APBA2: variants seen among roughly 807,000 people sequenced by gnomAD.
APBA2 encodes the protein amyloid beta precursor protein binding family A member 2.
A neutral mutation model predicts 75.0 loss-of-function variants in APBA2; 30 were observed. The observed-to-expected ratio is 0.40, with a 90% CI of 0.30 to 0.54. APBA2 has a LOEUF of 0.54. APBA2 is among the 20% of genes least tolerant of loss of function. The pLI is 0.49. For synonymous variants in APBA2, 444 were observed against 409.6 expected, an observed-to-expected ratio of 1.08 and a Z score of -1.01; for missense variants, 801 against 1,016.1, an observed-to-expected ratio of 0.79 and a Z score of 2.88.
chr15:28,951,736 C>T (rs1407252759), intron 2 of APBA2, among the ~76,000 whole-genome samples: 1 of 152,152 alleles, frequency 6.6e-6, no homozygotes, highest in Non-Finnish European at 1.5e-5. Flanking sequence ...AGGCGTGTGC[C>T]ACCACACCCA....
chr15:28,891,603 GA>G (rs1165016785), intron 1 of APBA2, among the ~76,000 whole-genome samples: 2 of 152,194 alleles, frequency 1.3e-5, no homozygotes, highest in African/African-American at 4.8e-5. Flanking sequence ...GGTGGGACAT[GA>G]AGGTGTTTTC....
chr15:29,078,079 G>C (rs1174687735), intron 6 of APBA2, among the ~76,000 whole-genome samples: 1 of 146,708 alleles, frequency 6.8e-6, no homozygotes, highest in African/African-American at 2.5e-5. Flanking sequence ...GGTGGATCAT[G>C]AGGTCAGCAG....
intron 3 of APBA2, among the ~76,000 whole-genome samples, chr15:28,997,719 A>T (rs997356233): frequency 6.6e-6 from 1 of 152,180 alleles, no homozygotes; most frequent in African/African-American, 2.4e-5. Context: ...GGGTGGTTCT[A>T]TTTATGCCTG....
intron 4 of APBA2, among the ~76,000 whole-genome samples, chr15:29,067,637 C>T (rs1176901742): frequency 3.3e-5 from 5 of 152,158 alleles, no homozygotes; most frequent in Admixed American, 6.5e-5. Context: ...AAACATATAT[C>T]GTTAAATCCA....
rs2038204970 is a variant in APBA2 at position 28,991,110 on chromosome 15, CAGTT to C, written c.-94-4641_-94-4638del. On this transcript the variant is annotated intron_variant, in intron 2 of 14. Transcript: ENST00000683413. The surrounding 1 kb of genome is among the most constrained non-coding windows in gnomAD (Gnocchi z 4.7). Reference sequence around the variant, plus strand: ...TTACATTGCAGCCAGCCTAGGGACTCAGTTATTCAGAATTTAAACATTTTACTTG... The same window carrying C: ...TTACATTGCAGCCAGCCTAGGGACTCATTCAGAATTTAAACATTTTACTTG... Among the ~76,000 whole-genome samples, 1 of 152,144 alleles carries C rather than the reference CAGTT, an allele frequency of 6.6e-6. No individual in the cohort carries two copies. Among genetic ancestry groups the C allele is most frequent in the African/African-American group, 2.4e-5 (1 of 41,434 alleles).
chr15:29,030,285 C>T (rs557158473), intron 3 of APBA2, among the ~76,000 whole-genome samples: 1 of 152,008 alleles, frequency 6.6e-6, no homozygotes, highest in Admixed American at 6.6e-5. Flanking sequence ...TGGTGAAACC[C>T]CGTCTCTACT....
chr15:28,938,178 T>C (rs1325790851), intron 2 of APBA2, among the ~76,000 whole-genome samples: 1 of 152,178 alleles, frequency 6.6e-6, no homozygotes, highest in Non-Finnish European at 1.5e-5. Flanking sequence ...CAGACCACGG[T>C]GCCCTGGATC....
chr15:29,088,648 G>A (rs138928047), intron 6 of APBA2, among the ~76,000 whole-genome samples: 1 of 152,290 alleles, frequency 6.6e-6, no homozygotes, highest in East Asian at 1.9e-4. Flanking sequence ...GGCTACAGTA[G>A]CCTCTCAGCT....
chr15:28,988,324 C>T (rs1002186717), intron 2 of APBA2, among the ~76,000 whole-genome samples: 4 of 149,596 alleles, frequency 2.7e-5, no homozygotes, highest in East Asian at 2.0e-4. Context: ...AGTGCAGTGG[C>T]GTGATCTCGG....
intron 3 of APBA2, among the ~76,000 whole-genome samples, chr15:29,007,316 T>C (rs2039169965): frequency 6.6e-6 from 1 of 152,162 alleles, no homozygotes; most frequent in African/African-American, 2.4e-5. Flanking sequence ...TTCATGACAT[T>C]GGATTTGGTA....
chr15:29,060,232 G>A lies in APBA2; in HGVS notation c.951+5397G>A, dbSNP rs552313313. ...GGTGGAGGTGGCAGCAGTGTTGGCG[G>A]TGACTGCCAGCACCATGTTAGGGGT... On this transcript the variant is annotated intron_variant, in intron 4 of 14. Coordinates refer to ENST00000683413, the MANE Select transcript of APBA2 (RefSeq NM_001353788.2). Among the ~76,000 whole-genome samples the A allele has an allele frequency of 2.6e-5, 4 of 152,272 alleles. No individual in the cohort carries two copies. The South Asian group carries it at 8.3e-4, about 32-fold the overall frequency.
intron 2 of APBA2, among the ~76,000 whole-genome samples, chr15:28,974,085 T>G (rs1236189183): frequency 1.3e-5 from 2 of 152,178 alleles, no homozygotes; most frequent in Non-Finnish European, 2.9e-5. Flanking sequence ...CCCAACTCTA[T>G]GCTGTATAAA....
chr15:29,107,159 A>G (rs973686457), intron 12 of APBA2, among the ~76,000 whole-genome samples: 1 of 152,178 alleles, frequency 6.6e-6, no homozygotes, highest in Non-Finnish European at 1.5e-5. Flanking sequence ...TTGCCAGGTT[A>G]GCACTGAAAG....
At chr15:29,099,156 T>C (rs527240753) in intron 9 of APBA2, among the ~76,000 whole-genome samples, 1 of 152,226 alleles carries the variant, frequency 6.6e-6, no homozygotes, top group South Asian at 2.1e-4. Context: ...TTCACAGACT[T>C]TGACTTCATT....
At chr15:28,897,125 A>G (rs1475280466) in intron 1 of APBA2, among the ~76,000 whole-genome samples, 6 of 151,992 alleles carry the variant, frequency 3.9e-5, no homozygotes, top group Admixed American at 6.6e-5. Context: ...AAAATAATGC[A>G]CTATGTAATC....
chr15:28,936,017 A>G (rs899030018), intron 2 of APBA2, among the ~76,000 whole-genome samples: 19 of 152,146 alleles, frequency 1.2e-4, no homozygotes, highest in African/African-American at 4.1e-4. Flanking sequence ...TGTTTATTTG[A>G]TTGCTTGCAG....
intron 3 of APBA2, among the ~76,000 whole-genome samples, chr15:29,030,242 G>A (rs979567828): frequency 6.6e-6 from 1 of 152,124 alleles, no homozygotes; most frequent in East Asian, 1.9e-4. Flanking sequence ...GGCGGATCAC[G>A]AAATCGGGGG....
intron 11 of APBA2, among the ~76,000 whole-genome samples, chr15:29,106,072 G>A (rs2044387266): frequency 6.6e-6 from 1 of 152,248 alleles, no homozygotes; most frequent in African/African-American, 2.4e-5. Flanking sequence ...GGTCTCTGCT[G>A]CTTGTTGAAT....
chr15:29,087,625 G>T (rs1251017764), intron 6 of APBA2, among the ~76,000 whole-genome samples: 2 of 152,202 alleles, frequency 1.3e-5, no homozygotes, highest in Non-Finnish European at 2.9e-5. Flanking sequence ...CAAGGCACAG[G>T]CCCTGGCAGT....
Sources: allele counts gnomAD v4.1 joint callset (sites outside exome capture counted in the v4.1 genomes callset), GRCh38; gene constraint gnomAD v4.1.1; non-coding constraint Gnocchi (gnomAD v3.1); transcripts MANE v1.5; gene names NCBI Gene and HGNC (gene_info 2026-07-23, HGNC 2026-07-21).